The following ACYP2 variants were observed in gnomAD, a reference collection of about 807,000 sequenced individuals.
ACYP2 encodes the protein acylphosphatase 2.
A neutral mutation model predicts 11.2 loss-of-function variants in ACYP2; 12 were observed. That is an observed-to-expected ratio of 1.08 (90% confidence interval 0.69 to 1.74). The LOEUF (loss-of-function observed/expected upper bound fraction) is 1.74. Ranked by LOEUF, ACYP2 falls within the 40% of genes most tolerant of loss-of-function variation. The probability of loss-of-function intolerance (pLI) is 0.00; values close to 1 mark genes in which losing one functional copy is unlikely to be tolerated. For synonymous variants in ACYP2, 43 were observed against 32.2 expected (o/e 1.33, Z -1.13); for missense variants, 134 against 101.9 (o/e 1.31, Z -1.35).
chr2:54,290,195 A>G (rs1051024843), intron 6 of ACYP2, among the ~76,000 whole-genome samples: 11 of 152,176 alleles, frequency 7.2e-5, no homozygotes, highest in African/African-American at 2.7e-4. Context: ...CCCGCGATCA[A>G]TGGCACCTGA....
chr2:54,245,528 G>T (rs557830796), intron 6 of ACYP2, among the ~76,000 whole-genome samples: 2 of 152,058 alleles, frequency 1.3e-5, no homozygotes, highest in East Asian at 3.9e-4. Flanking sequence ...CTGCATCGTT[G>T]TTTTTTGTCT....
In ACYP2 at chr2:54,051,030, C is replaced by T. The variant is rs369409847; in HGVS notation, c.135C>T (p.Leu45=). The stretch of plus-strand genomic sequence containing the variant: ...TCAAGCTATCCTCCTGCCTCGGCCT[C>T]CCATGCTGTTGGGATTACAGGTGAG... Residue 45 remains leucine, a synonymous_variant, in exon 3 of 7, where the codon CTC becomes CTT. Coordinates refer to ENST00000607452, the MANE Select transcript of ACYP2 (RefSeq NM_001320586.2). 1.5e-5 allele frequency: 7 copies of T among 468,378 alleles called. No individual in the cohort carries two copies. The highest frequency in any genetic ancestry group is 1.4e-4 in the African/African-American group (7 of 49,830). 29.0% of individuals were successfully genotyped at this position (468,378 alleles called of 1,614,324 possible).
intron 6 of ACYP2, among the ~76,000 whole-genome samples, chr2:54,277,744 C>A (rs1688666294): frequency 6.6e-6 from 1 of 152,056 alleles, no homozygotes. Flanking sequence ...ATCATAGGCA[C>A]AAAGCTTTCT....
chr2:54,019,186 C>G (rs571734793), intron 2 of ACYP2, among the ~76,000 whole-genome samples: 1 of 150,332 alleles, frequency 6.7e-6, no homozygotes, highest in Non-Finnish European at 1.5e-5. Context: ...TCCACCTCAG[C>G]CTCCTTAGTA....
At chr2:54,040,543 C>T (rs529338632) in intron 2 of ACYP2, among the ~76,000 whole-genome samples, 5 of 152,092 alleles carry the variant, frequency 3.3e-5, no homozygotes, top group African/African-American at 9.6e-5. Flanking sequence ...TGGGATGCTC[C>T]AAGTTTTGGA....
At chr2:54,035,686 A>G (rs1286091768) in intron 2 of ACYP2, among the ~76,000 whole-genome samples, 2 of 152,208 alleles carry the variant, frequency 1.3e-5, no homozygotes, top group Non-Finnish European at 2.9e-5. Flanking sequence ...CAATTCTAGG[A>G]TTAGAATGGC....
At chr2:54,185,822 T>G (rs1320596984) in intron 6 of ACYP2, among the ~76,000 whole-genome samples, 1 of 152,130 alleles carries the variant, frequency 6.6e-6, no homozygotes. Context: ...TTAGAGTTAG[T>G]GAGGGCCTAA....
Position 54,247,002 on chromosome 2 carries a change from A to AT in ACYP2, c.405-57685dup, listed in dbSNP as rs1229509960. On this transcript the variant is annotated intron_variant, in intron 6 of 6. Transcript: ENST00000607452. ...CCCTCTAGTCTACCTTCCTCCCATC[A>AT]TGAGTATTAAATTCCAAGCACAGGA... Among the ~76,000 whole-genome samples, 4 of 152,156 alleles carry AT rather than the reference A, an allele frequency of 2.6e-5. No homozygotes were observed. The East Asian group carries it at 7.7e-4, about 29-fold the overall frequency.
intron 6 of ACYP2, among the ~76,000 whole-genome samples, chr2:54,236,932 T>C (rs755278902): frequency 3.4e-4 from 51 of 152,182 alleles, no homozygotes; most frequent in Non-Finnish European, 5.6e-4. Context: ...TCCATATCCA[T>C]AGGTTCCATA....
intron 6 of ACYP2, among the ~76,000 whole-genome samples, chr2:54,204,544 T>A (rs190210079): frequency 1.3e-5 from 2 of 152,178 alleles, no homozygotes; most frequent in African/African-American, 4.8e-5. Flanking sequence ...CCAGTTGTCA[T>A]TATTTTGCTT....
intron 6 of ACYP2, among the ~76,000 whole-genome samples, chr2:54,183,312 T>A (rs891723957): frequency 6.6e-6 from 1 of 152,226 alleles, no homozygotes; most frequent in Non-Finnish European, 1.5e-5. Flanking sequence ...TGAGTTGTAA[T>A]TTATTCTATA....
intron 2 of ACYP2, chr2:54,029,637 A>G: frequency 2.7e-6 from 1 of 370,670 alleles, no homozygotes; most frequent in Non-Finnish European, 5.1e-6. Flanking sequence ...ATTTTCCTTC[A>G]TGCGTTTCAG....
chr2:54,278,190 G>C (rs1688694218), intron 6 of ACYP2, among the ~76,000 whole-genome samples: 2 of 152,186 alleles, frequency 1.3e-5, no homozygotes, highest in Admixed American at 1.3e-4. Flanking sequence ...GTGTTAGCCA[G>C]GATGGTCTCA....
chr2:54,285,362 G>C (rs191192778), intron 6 of ACYP2, among the ~76,000 whole-genome samples: 1 of 152,128 alleles, frequency 6.6e-6, no homozygotes, highest in Non-Finnish European at 1.5e-5. Context: ...CTATTCTGTG[G>C]GATGCTCCTC....
At chr2:54,268,070 A>C (rs1321936979) in intron 6 of ACYP2, among the ~76,000 whole-genome samples, 1 of 152,232 alleles carries the variant, frequency 6.6e-6, no homozygotes. Context: ...CCTAAGACAC[A>C]ATATGGAAAG....
chr2:54,034,776 C>T (rs1488632074), intron 2 of ACYP2, among the ~76,000 whole-genome samples: 2 of 151,816 alleles, frequency 1.3e-5, no homozygotes, highest in African/African-American at 2.4e-5. Flanking sequence ...TTTGGGAGGC[C>T]GAGGCGGGTG....
chr2:54,209,752 C>T (rs964075122), intron 6 of ACYP2, among the ~76,000 whole-genome samples: 3 of 152,134 alleles, frequency 2.0e-5, no homozygotes, highest in Non-Finnish European at 2.9e-5. Flanking sequence ...CCATTTCTGG[C>T]CATCTTCACT....
intron 4 of ACYP2, among the ~76,000 whole-genome samples, chr2:54,085,280 TGTGA>T (rs1677889803): frequency 6.6e-6 from 1 of 152,118 alleles, no homozygotes; most frequent in Non-Finnish European, 1.5e-5. Context: ...GTGGTGGCAC[TGTGA>T]GTGAGTGGGT....
intron 2 of ACYP2, among the ~76,000 whole-genome samples, chr2:54,040,003 G>A (rs1675139848): frequency 6.6e-6 from 1 of 152,078 alleles, no homozygotes; most frequent in African/African-American, 2.4e-5. Context: ...TTACAGTCAT[G>A]AGCCACTGTG....
Sources: allele counts gnomAD v4.1 joint callset (sites outside exome capture counted in the v4.1 genomes callset), GRCh38; gene constraint gnomAD v4.1.1; transcripts MANE v1.5; gene names NCBI Gene and HGNC (gene_info 2026-07-23, HGNC 2026-07-21).